MSRB3: variants seen among roughly 807,000 people sequenced by gnomAD.
The protein encoded by MSRB3 is methionine-R-sulfoxide reductase B3.
A neutral mutation model predicts 21.0 loss-of-function variants in MSRB3; 13 were observed. The ratio of observed to expected loss-of-function variants is 0.62; its 90% CI spans 0.40 to 0.98. The LOEUF (loss-of-function observed/expected upper bound fraction) is 0.98. MSRB3 is among the 50% of genes least tolerant of loss of function. The pLI is 0.00. For missense variants in MSRB3, 199 were observed against 230.3 expected, an observed-to-expected ratio of 0.86 and a Z score of 0.88; for synonymous variants, 87 against 88.6, an observed-to-expected ratio of 0.98 and a Z score of 0.10.
intron 1 of MSRB3, chr12:65,284,672 C>G (rs966297736): frequency 1.3e-5 from 2 of 152,068 alleles, no homozygotes; most frequent in East Asian, 1.9e-4. Context: ...AAAAAGAGAG[C>G]ATTTGTTAGC....
chr12:65,292,702 G>A (rs1163658327), intron 1 of MSRB3, among the ~76,000 whole-genome samples: 1 of 151,942 alleles, frequency 6.6e-6, no homozygotes, highest in African/African-American at 2.4e-5. Flanking sequence ...TCAATCCTGA[G>A]CAGAAAGAGG....
At chr12:65,376,339 T>G (rs1050886532) in intron 5 of MSRB3, among the ~76,000 whole-genome samples, 1 of 152,146 alleles carries the variant, frequency 6.6e-6, no homozygotes, top group Non-Finnish European at 1.5e-5. Context: ...CAGGATGGCC[T>G]CTATCTCCTG....
At chr12:65,366,613 G>A (rs530229378) in intron 4 of MSRB3, among the ~76,000 whole-genome samples, 23 of 152,216 alleles carry the variant, frequency 1.5e-4, no homozygotes, top group African/African-American at 4.1e-4. Flanking sequence ...TGTAGAATCC[G>A]CAGATCTTGA....
rs1471734148 is a variant in MSRB3, at chr12:65,416,472, AT to A, written c.293-37254del. Among the ~76,000 whole-genome samples the A allele has an allele frequency of 3.3e-5, 5 of 152,196 alleles. No homozygotes were observed. In the South Asian group the frequency reaches 6.2e-4, roughly 19 times the overall value. On this transcript the variant is annotated intron_variant, in intron 5 of 6. Transcript: ENST00000308259. ...AAGTCTCTCATTAGGTGATTTTGTC[AT>A]TGTGTGAACATTGGAGAGCATATAC...
At chr12:65,355,540 G>A (rs931539997) in intron 4 of MSRB3, among the ~76,000 whole-genome samples, 10 of 151,748 alleles carry the variant, frequency 6.6e-5, no homozygotes, top group African/African-American at 2.2e-4. Flanking sequence ...GTTCATTCAT[G>A]TCTTGATTTG....
At chr12:65,343,444 C>T (rs1303134275) in intron 4 of MSRB3, among the ~76,000 whole-genome samples, 1 of 151,992 alleles carries the variant, frequency 6.6e-6, no homozygotes, top group Non-Finnish European at 1.5e-5. Flanking sequence ...TCCCAGAAGC[C>T]TAGAGGCAAT....
At chr12:65,399,776 G>T (rs1880018672) in intron 5 of MSRB3, among the ~76,000 whole-genome samples, 1 of 151,948 alleles carries the variant, frequency 6.6e-6, no homozygotes, top group Admixed American at 6.6e-5. Flanking sequence ...GATACATTCT[G>T]TGAATACCTA....
At chr12:65,337,412 G>A (rs1331107073) in intron 4 of MSRB3, among the ~76,000 whole-genome samples, 4 of 116,618 alleles carry the variant, frequency 3.4e-5, no homozygotes, top group African/African-American at 1.3e-4. Context: ...CCAGCCTGGT[G>A]ACAGAGTGAG....
chr12:65,454,136 A>T (rs2136703704), intron 6 of MSRB3: 1 of 582,608 alleles, frequency 1.7e-6, no homozygotes, highest in African/African-American at 1.9e-5. Context: ...ATATTTTAAA[A>T]CTTAGCAGGG....
intron 5 of MSRB3, among the ~76,000 whole-genome samples, chr12:65,451,220 A>G (rs10878281): frequency 0.38 from 57,873 of 151,986 alleles, 11,455 homozygotes; most frequent in Middle Eastern, 0.54. Context: ...CAGGGCAAAG[A>G]GACATTGTGA....
intron 1 of MSRB3, chr12:65,286,405 A>G (rs1314513000): frequency 2.0e-5 from 3 of 152,212 alleles, no homozygotes; most frequent in African/African-American, 7.2e-5. Flanking sequence ...GGACTTTTAA[A>G]TAGTCTCATG....
intron 1 of MSRB3, among the ~76,000 whole-genome samples, chr12:65,302,230 CA>C: frequency 1.3e-5 from 2 of 151,964 alleles, no homozygotes; most frequent in African/African-American, 4.8e-5. Context: ...TCCTGAGATC[CA>C]AAAGTTTGAG....
chr12:65,301,860 CA>C (rs1275624909), intron 1 of MSRB3, among the ~76,000 whole-genome samples: 1 of 152,158 alleles, frequency 6.6e-6, no homozygotes, highest in Non-Finnish European at 1.5e-5. Flanking sequence ...CGTATCACAA[CA>C]CATTGATTGC....
At chr12:65,322,586 GA>G (rs1485807844) in intron 2 of MSRB3, among the ~76,000 whole-genome samples, 1 of 145,204 alleles carries the variant, frequency 6.9e-6, no homozygotes, top group Non-Finnish European at 1.5e-5. Context: ...GCTTGAATCC[GA>G]AATGCAGAGG....
intron 5 of MSRB3, among the ~76,000 whole-genome samples, chr12:65,445,890 C>T (rs957304692): frequency 1.1e-4 from 16 of 152,242 alleles, no homozygotes; most frequent in African/African-American, 3.9e-4. Context: ...GGTGATCCAC[C>T]TGCCTCAGCC....
intron 5 of MSRB3, chr12:65,419,338 A>G (rs188396422): frequency 1.2e-4 from 88 of 758,260 alleles, no homozygotes; most frequent in Admixed American, 4.3e-4. Context: ...AGAGCTGACA[A>G]TCTGGGCTTG....
intron 2 of MSRB3, among the ~76,000 whole-genome samples, chr12:65,321,970 T>C (rs1373471309): frequency 1.3e-5 from 2 of 152,180 alleles, no homozygotes; most frequent in Non-Finnish European, 2.9e-5. Flanking sequence ...AATAGTTTCG[T>C]TTTTTCTGAT....
chr12:65,293,201 G>C (rs924924069), intron 1 of MSRB3, among the ~76,000 whole-genome samples: 3 of 152,068 alleles, frequency 2.0e-5, no homozygotes, highest in Non-Finnish European at 2.9e-5. Context: ...TTGATCTCAT[G>C]TCCTGTGTCA....
chr12:65,463,090 T>C (rs774292269), intron 6 of MSRB3, 65 bp from the exon 7 acceptor site: 41 of 1,595,718 alleles, frequency 2.6e-5, no homozygotes, highest in Non-Finnish European at 3.4e-5. Context: ...AACTGCTTAA[T>C]GTGAATTCCT....
Sources: allele counts gnomAD v4.1 joint callset (sites outside exome capture counted in the v4.1 genomes callset), GRCh38; gene constraint gnomAD v4.1.1; transcripts MANE v1.5; gene names NCBI Gene and HGNC (gene_info 2026-07-23, HGNC 2026-07-21).